The following MACROD2 variants were observed in gnomAD, a reference collection of about 807,000 sequenced individuals.
MACROD2 encodes the protein ADP-ribose glycohydrolase MACROD2.
Under a neutral mutation model 70.4 loss-of-function variants are expected in MACROD2, and 36 were observed. The observed-to-expected ratio is 0.51, with a 90% CI of 0.39 to 0.68. MACROD2 has a LOEUF of 0.68. MACROD2 is among the 30% of genes least tolerant of loss of function. The probability of loss-of-function intolerance (pLI) is 0.00; values close to 1 mark genes in which losing one functional copy is unlikely to be tolerated. For missense variants in MACROD2, 496 were observed against 538.4 expected, an observed-to-expected ratio of 0.92 and a Z score of 0.78; for synonymous variants, 172 against 178.8, an observed-to-expected ratio of 0.96 and a Z score of 0.30.
intron 12 of MACROD2, among the ~76,000 whole-genome samples, chr20:15,949,770 A>T (rs1246008057): frequency 6.6e-6 from 1 of 152,186 alleles, no homozygotes; most frequent in East Asian, 1.9e-4. Context: ...TAATAAAAGT[A>T]ATCATAGATC....
intron 4 of MACROD2, among the ~76,000 whole-genome samples, chr20:14,526,810 G>A (rs1186110519): frequency 6.6e-6 from 1 of 152,216 alleles, no homozygotes; most frequent in Non-Finnish European, 1.5e-5. Context: ...AGGGGTGAAC[G>A]CTGAGGGCCC....
chr20:15,818,889 T>C (rs1015362631), intron 8 of MACROD2, among the ~76,000 whole-genome samples: 7 of 152,132 alleles, frequency 4.6e-5, no homozygotes, highest in Admixed American at 6.6e-5. Flanking sequence ...TTTTTTTGGT[T>C]ATGCATTCCC....
chr20:14,753,520 TATC>T (rs1412599246), intron 5 of MACROD2, among the ~76,000 whole-genome samples: 8 of 152,152 alleles, frequency 5.3e-5, no homozygotes, highest in African/African-American at 1.9e-4. Context: ...CTAAAAAGGT[TATC>T]ATTTTTAATT....
chr20:14,565,998 A>G (rs1277509013), intron 4 of MACROD2, among the ~76,000 whole-genome samples: 2 of 151,794 alleles, frequency 1.3e-5, no homozygotes, highest in East Asian at 3.9e-4. Flanking sequence ...AATTCCTTTC[A>G]CTCAAAGTTA....
chr20:15,517,075 T>C (rs1343387206), intron 8 of MACROD2, among the ~76,000 whole-genome samples: 1 of 152,202 alleles, frequency 6.6e-6, no homozygotes, highest in Admixed American at 6.5e-5. Context: ...TCTTTTGTAT[T>C]TTTATTTATT....
chr20:15,545,614 A>C (rs959013505), intron 8 of MACROD2, among the ~76,000 whole-genome samples: 8 of 152,172 alleles, frequency 5.3e-5, no homozygotes, highest in African/African-American at 1.9e-4. Flanking sequence ...TAGTGGAAAT[A>C]AATCTTGTTT....
At chr20:14,080,477 A>T (rs1244083964) in intron 2 of MACROD2, among the ~76,000 whole-genome samples, 1 of 148,584 alleles carries the variant, frequency 6.7e-6, no homozygotes, top group Admixed American at 6.7e-5. Context: ...CTAATCTGAG[A>T]TTCCTCATAA....
intron 6 of MACROD2, among the ~76,000 whole-genome samples, chr20:15,289,526 T>C (rs1333994317): frequency 6.6e-6 from 1 of 152,152 alleles, no homozygotes; most frequent in East Asian, 1.9e-4. Flanking sequence ...ACATCGGGGC[T>C]AGAGTGGTTC....
At chr20:15,597,003 T>C (rs2048754495) in intron 8 of MACROD2, among the ~76,000 whole-genome samples, 1 of 152,212 alleles carries the variant, frequency 6.6e-6, no homozygotes, top group African/African-American at 2.4e-5. Context: ...ACAAAACTTT[T>C]AAAAAGGAAA....
intron 6 of MACROD2, among the ~76,000 whole-genome samples, chr20:15,408,159 T>A (rs886656393): frequency 6.6e-6 from 1 of 152,130 alleles, no homozygotes; most frequent in Non-Finnish European, 1.5e-5. Context: ...AAACCAGAAG[T>A]TTTTTAAGGG....
At chr20:14,534,294 T>C (rs6079478) in intron 4 of MACROD2, among the ~76,000 whole-genome samples, 73,465 of 151,904 alleles carry the variant, frequency 0.48, 18,037 homozygotes, top group African/African-American at 0.54. Context: ...ACTGGGTCAC[T>C]TTTCTGGGTC....
intron 6 of MACROD2, among the ~76,000 whole-genome samples, chr20:15,329,226 T>C (rs2077965225): frequency 6.6e-6 from 1 of 152,122 alleles, no homozygotes; most frequent in South Asian, 2.1e-4. Flanking sequence ...GAAGATACCA[T>C]AATGAAAAAG....
intron 8 of MACROD2, among the ~76,000 whole-genome samples, chr20:15,800,050 A>G (rs1437891239): frequency 5.9e-5 from 9 of 152,198 alleles, no homozygotes; most frequent in African/African-American, 1.9e-4. Flanking sequence ...GATGTTGAGC[A>G]ATTTTCATAT....
chr20:15,594,635 C>A (rs1024103698), intron 8 of MACROD2, among the ~76,000 whole-genome samples: 1 of 152,176 alleles, frequency 6.6e-6, no homozygotes, highest in Non-Finnish European at 1.5e-5. Context: ...ACTCTTATCT[C>A]TCTGTTGACT....
intron 3 of MACROD2, among the ~76,000 whole-genome samples, chr20:14,309,719 G>A (rs1159601088): frequency 6.6e-6 from 1 of 152,236 alleles, no homozygotes; most frequent in African/African-American, 2.4e-5. Context: ...TGATTTCACT[G>A]TATTAACTCG....
chr20:15,213,763 A>G (rs868228585), intron 5 of MACROD2, among the ~76,000 whole-genome samples: 1 of 152,202 alleles, frequency 6.6e-6, no homozygotes, highest in Admixed American at 6.5e-5. Context: ...CATCTCTCAG[A>G]TAGGCCCATA....
At chr20:15,870,295 A>G (rs2064561641) in intron 9 of MACROD2, among the ~76,000 whole-genome samples, 1 of 151,778 alleles carries the variant, frequency 6.6e-6, no homozygotes, top group South Asian at 2.1e-4. Context: ...CTCATCAATG[A>G]AAAAATAAGT....
intron 3 of MACROD2, among the ~76,000 whole-genome samples, chr20:14,419,343 T>A (rs2083849488): frequency 3.3e-5 from 5 of 152,192 alleles, no homozygotes; most frequent in Admixed American, 3.3e-4. Context: ...CGTGATCCAC[T>A]ATGCCCAGCT....
intron 5 of MACROD2, among the ~76,000 whole-genome samples, chr20:15,136,803 A>G (rs1350065947): frequency 1.3e-5 from 2 of 152,128 alleles, no homozygotes; most frequent in African/African-American, 2.4e-5. Context: ...AAATTTTCGC[A>G]ACCTACTCAT....
Sources: gnomAD v4.1 joint callset for allele counts (sites outside exome capture counted in the v4.1 genomes callset) on GRCh38, gnomAD v4.1.1 for gene constraint, MANE v1.5 for transcripts, NCBI Gene and HGNC (gene_info 2026-07-23, HGNC 2026-07-21) for gene names.